LRRC37A2: variants seen among roughly 807,000 people sequenced by gnomAD.
The protein encoded by LRRC37A2 is leucine-rich repeat-containing protein 37A2.
In LRRC37A2, 9 loss-of-function variants were observed where a neutral mutation model predicts 68.8. The ratio of observed to expected loss-of-function variants is 0.13; its 90% CI spans 0.08 to 0.23. The LOEUF (loss-of-function observed/expected upper bound fraction) is 0.23. Among genes scored for constraint, LRRC37A2 ranks in the 10% least tolerant of loss-of-function variants. The pLI, the probability that LRRC37A2 is intolerant of heterozygous loss-of-function variation, is 1.00. For missense variants in LRRC37A2, 168 were observed against 950.4 expected, an observed-to-expected ratio of 0.18 and a Z score of 10.82; for synonymous variants, 63 against 367.6, an observed-to-expected ratio of 0.17 and a Z score of 9.48.
chr17:46,392,213 CTT>C, the LRRC37A2 span, among the ~76,000 whole-genome samples: 5 of 59,376 alleles, frequency 8.4e-5, no homozygotes, highest in Non-Finnish European at 1.5e-4. Context: ...TTTCTTTTTT[CTT>C]TTTTTTTTTT....
chr17:46,885,019 GT>G, the LRRC37A2 span: 6 of 435,876 alleles, frequency 1.4e-5, no homozygotes, highest in Admixed American at 1.0e-4. Flanking sequence ...ACGAAGTCTT[GT>G]TCTTGTTGCG....
At chr17:46,931,979 G>A in the LRRC37A2 span, 15 of 1,157,252 alleles carry the variant, frequency 1.3e-5, no homozygotes, top group South Asian at 8.6e-5. Flanking sequence ...GTAAGGAAAC[G>A]CCGTCTTTCC....
the LRRC37A2 span, among the ~76,000 whole-genome samples, chr17:46,947,782 T>G: frequency 6.6e-6 from 1 of 152,212 alleles, no homozygotes; most frequent in African/African-American, 2.4e-5. Flanking sequence ...TTTTTTTTCT[T>G]TTTGAGATGG....
chr17:46,716,576 T>C, the LRRC37A2 span, among the ~76,000 whole-genome samples: 1 of 152,112 alleles, frequency 6.6e-6, no homozygotes, highest in Admixed American at 6.6e-5. Flanking sequence ...ATTTTTAGTG[T>C]GAGGATGGAA....
At chr17:46,900,344 G>A in the LRRC37A2 span, among the ~76,000 whole-genome samples, 12 of 151,340 alleles carry the variant, frequency 7.9e-5, no homozygotes, top group Non-Finnish European at 1.5e-4. Context: ...TCTGCCTCCC[G>A]GGTTCAAGAG....
chr17:46,618,478 C>CA, the LRRC37A2 span, among the ~76,000 whole-genome samples: 2 of 113,986 alleles, frequency 1.8e-5, no homozygotes, highest in Admixed American at 1.1e-4. Flanking sequence ...GCCTTTTGTT[C>CA]ACAGCATCTG....
At chr17:46,876,877 C>T in the LRRC37A2 span, 3 of 1,394,750 alleles carry the variant, frequency 2.2e-6, no homozygotes, top group East Asian at 5.2e-5. Flanking sequence ...ATTCCTTGGC[C>T]AGCCTTTTGC....
the LRRC37A2 span, among the ~76,000 whole-genome samples, chr17:46,917,493 C>T: frequency 0.051 from 7,775 of 152,312 alleles, 274 homozygotes; most frequent in Non-Finnish European, 0.078. Context: ...GCTGGTTCCC[C>T]AAAGCTTTGG....
the LRRC37A2 span, among the ~76,000 whole-genome samples, chr17:47,025,898 CT>C: frequency 3.2e-5 from 4 of 124,048 alleles, no homozygotes; most frequent in South Asian, 3.0e-4. Flanking sequence ...TCACTCCCCC[CT>C]ATTCATTTAT....
In LRRC37A2 at chr17:46,529,536, G is replaced by A. The variant is rs191544211; in HGVS notation, c.2906+5652G>A. On this transcript the variant is annotated intron_variant, in intron 6 of 14. Coordinates refer to ENST00000576629, the Ensembl canonical transcript of LRRC37A2. Reference sequence around the variant, plus strand: ...TCTAAAAACACTCAAGGCTGGGCGCGCTGGCTCATGCCTGTAATCCCAGCA... The same window carrying A: ...TCTAAAAACACTCAAGGCTGGGCGCACTGGCTCATGCCTGTAATCCCAGCA... Among the ~76,000 whole-genome samples the A allele has an allele frequency of 2.2e-3, 216 of 99,336 alleles. 55 individuals carry two copies. The Middle Eastern group carries it at 0.047, about 21-fold the overall frequency. The allele number at this position is 99,336 out of a possible 152,430, so 65.2% of individuals were successfully genotyped here. A position where few individuals can be genotyped will look rare whatever the true frequency, so the allele number is the denominator to read the frequency against.
the LRRC37A2 span, chr17:46,940,063 T>C: frequency 9.3e-7 from 1 of 1,079,526 alleles, no homozygotes. Flanking sequence ...GTTAGTTTCT[T>C]GTTGCTTGAA....
At chr17:46,804,297 A>G in the LRRC37A2 span, among the ~76,000 whole-genome samples, 1 of 152,058 alleles carries the variant, frequency 6.6e-6, no homozygotes, top group East Asian at 1.9e-4. Flanking sequence ...CATGTTGGCC[A>G]GGCTGGTTCG....
At chr17:46,831,614 C>A in the LRRC37A2 span, 4 of 152,604 alleles carry the variant, frequency 2.6e-5, no homozygotes, top group Admixed American at 6.5e-5. Context: ...TTCAGACACC[C>A]CTGAGCACTG....
At chr17:46,500,179 A>G in the LRRC37A2 span, among the ~76,000 whole-genome samples, 2 of 149,238 alleles carry the variant, frequency 1.3e-5, no homozygotes, top group Non-Finnish European at 2.9e-5. Context: ...CATGCAGACC[A>G]CTTGACTTCC....
At chr17:46,815,564 A>C in the LRRC37A2 span, among the ~76,000 whole-genome samples, 2 of 151,412 alleles carry the variant, frequency 1.3e-5, no homozygotes, top group Non-Finnish European at 1.5e-5. Flanking sequence ...TGGGTTGGGG[A>C]GTGGGGGCAG....
At chr17:46,883,346 G>T in the LRRC37A2 span, among the ~76,000 whole-genome samples, 1 of 144,356 alleles carries the variant, frequency 6.9e-6, no homozygotes, top group Non-Finnish European at 1.5e-5. Context: ...GTGCAATGGC[G>T]CAATCTTGGC....
the LRRC37A2 span, among the ~76,000 whole-genome samples, chr17:46,792,552 C>G: frequency 6.6e-6 from 1 of 152,316 alleles, no homozygotes; most frequent in East Asian, 1.9e-4. Context: ...TGGTTTACTG[C>G]AACCTCTGCC....
the LRRC37A2 span, among the ~76,000 whole-genome samples, chr17:46,892,771 A>G: frequency 2.6e-5 from 4 of 152,184 alleles, no homozygotes; most frequent in African/African-American, 9.7e-5. Flanking sequence ...AGGATGGACA[A>G]AAAAAGGCAT....
the LRRC37A2 span, among the ~76,000 whole-genome samples, chr17:46,398,186 C>T: frequency 3.4e-5 from 4 of 117,252 alleles, no homozygotes; most frequent in African/African-American, 5.7e-5. Context: ...TGATATGAAC[C>T]CTACCTTAGT....
Sources: gnomAD v4.1 joint callset for allele counts (sites outside exome capture counted in the v4.1 genomes callset) on GRCh38, gnomAD v4.1.1 for gene constraint, MANE v1.5 for transcripts, NCBI Gene and HGNC (gene_info 2026-07-23, HGNC 2026-07-21) for gene names.